The following ATP10D variants were observed in gnomAD, a reference collection of about 807,000 sequenced individuals.
ATP10D encodes ATPase phospholipid transporting 10D (putative).
ATP10D carries 89 observed loss-of-function variants against 144.8 expected under a neutral mutation model. That is an observed-to-expected ratio of 0.61 (90% CI 0.52 to 0.73). ATP10D has a LOEUF of 0.73. ATP10D is among the 30% of genes least tolerant of loss of function. ATP10D has a pLI of 0.00. For missense variants in ATP10D, 1,603 were observed against 1,714.8 expected (o/e 0.93, Z 1.15); for synonymous variants, 571 against 615.1 (o/e 0.93, Z 1.06).
At position 47,534,494 on chromosome 4, in the gene ATP10D, G is replaced by A. The variant is rs888934529; in HGVS notation, c.777-1015G>A. 2.6e-5 allele frequency among the ~76,000 whole-genome samples: 4 copies of A among 152,092 alleles called. No individual in the cohort carries two copies. The East Asian group carries it at 5.8e-4, about 22-fold the overall frequency. On this transcript the variant is annotated intron_variant, in intron 5 of 22. Transcript: ENST00000273859. ...ATGCCTAATAGAGGTTTGATTAAGC[G>A]CCTGTAGGGCCATGACTTTCTTTCC...
At chr4:47,559,138 C>T in intron 13 of ATP10D, 109 bp downstream of exon 13, 1 of 739,088 alleles carries the variant, frequency 1.4e-6, no homozygotes, top group South Asian at 1.9e-5. Context: ...GGGAAAGTCC[C>T]CTGGACACTG....
At chr4:47,527,141 A>G (rs1401633304) in intron 5 of ATP10D, among the ~76,000 whole-genome samples, 1 of 152,170 alleles carries the variant, frequency 6.6e-6, no homozygotes, top group African/African-American at 2.4e-5. Flanking sequence ...AGAGTCTAGA[A>G]ATAGACTGAC....
chr4:47,538,056 AAAT>A (rs1354395579), intron 9 of ATP10D, among the ~76,000 whole-genome samples: 3 of 152,322 alleles, frequency 2.0e-5, no homozygotes, highest in Non-Finnish European at 4.4e-5. Context: ...CAACCCAGAA[AAAT>A]AATGCTTCTT....
chr4:47,557,128 C>G (rs1719027355), intron 11 of ATP10D: 2 of 151,846 alleles, frequency 1.3e-5, no homozygotes, highest in Admixed American at 1.3e-4. Flanking sequence ...TTCAGTATTG[C>G]CCTATAGACT....
intron 1 of ATP10D, among the ~76,000 whole-genome samples, chr4:47,495,899 G>A (rs1276339866): frequency 6.6e-6 from 1 of 151,988 alleles, no homozygotes; most frequent in East Asian, 1.9e-4. Flanking sequence ...CACCGCGCCT[G>A]GCTAATTTTG....
intron 1 of ATP10D, among the ~76,000 whole-genome samples, chr4:47,506,988 A>C (rs1056930017): frequency 2.6e-5 from 4 of 152,168 alleles, no homozygotes; most frequent in African/African-American, 9.6e-5. Flanking sequence ...TTGAGAAGAG[A>C]ATATTGCTAT....
intron 16 of ATP10D, among the ~76,000 whole-genome samples, chr4:47,571,467 C>T (rs1719950946): frequency 6.6e-6 from 1 of 151,996 alleles, no homozygotes; most frequent in Non-Finnish European, 1.5e-5. Context: ...GGGACACTTG[C>T]TTACCTATAA....
chr4:47,558,457 A>G (rs1178229692), intron 12 of ATP10D, among the ~76,000 whole-genome samples, 184 bp downstream of exon 12: 1 of 152,228 alleles, frequency 6.6e-6, no homozygotes, highest in Non-Finnish European at 1.5e-5. Flanking sequence ...CCCAGATCTG[A>G]GTTCAAATGT....
chr4:47,591,025 T>A lies in ATP10D; in HGVS notation c.3942-17T>A. 6.6e-7 allele frequency: 1 copy of A among 1,511,440 alleles called. No homozygotes were observed. Among genetic ancestry groups the A allele is most frequent in the Non-Finnish European group, 9.0e-7 (1 of 1,116,584 alleles). 93.6% of individuals were successfully genotyped at this position (1,511,440 alleles called of 1,614,324 possible). A position where few individuals can be genotyped will look rare whatever the true frequency, so the allele number is the denominator to read the frequency against. The stretch of plus-strand genomic sequence containing the variant: ...TTTGAGATGAATTTAATTCTAATGA[T>A]GTTCCTTGTCACCTAGGTTTGTATA... On this transcript the variant is annotated splice_polypyrimidine_tract_variant and intron_variant, in intron 22 of 22. Transcript: ENST00000273859.
chr4:47,563,832 T>A (rs1012704715), intron 15 of ATP10D, 67 bp downstream of exon 15: 5 of 1,372,866 alleles, frequency 3.6e-6, no homozygotes, highest in South Asian at 3.1e-5. Context: ...TGAGATTTGA[T>A]GTATGCAAGG....
chr4:47,522,992 T>TAA lies in ATP10D; in HGVS notation c.486-19_486-18dup, dbSNP rs111896063. 3.7e-5 allele frequency: 55 copies of TAA among 1,486,478 alleles called. No homozygotes were observed. Among genetic ancestry groups the TAA allele is most frequent in the Middle Eastern group, 3.5e-4 (2 of 5,690 alleles). 92.1% of individuals were successfully genotyped at this position (1,486,478 alleles called of 1,614,324 possible). On this transcript the variant is annotated intron_variant, in intron 3 of 22. Transcript: ENST00000273859. ...TTCACTTGATATTCTTTTTTTTTTTTAACTTTTTTTTAATTACAGGAAAGA... is the reference window on the plus strand; with the variant it reads ...TTCACTTGATATTCTTTTTTTTTTTTAAAACTTTTTTTTAATTACAGGAAAGA...
chr4:47,560,343 C>G (rs1719227365), intron 13 of ATP10D: 1 of 152,084 alleles, frequency 6.6e-6, no homozygotes, highest in Admixed American at 6.6e-5. Flanking sequence ...CTTGTTTCAC[C>G]CATAGGGCCC....
At chr4:47,491,361 T>C (rs1376274361) in intron 1 of ATP10D, 3 of 749,474 alleles carry the variant, frequency 4.0e-6, no homozygotes, top group Non-Finnish European at 7.3e-6. Context: ...ACGTCTCTTA[T>C]AGATTCACAG....
chr4:47,570,699 G>A (rs1303185942), intron 16 of ATP10D, among the ~76,000 whole-genome samples: 1 of 151,962 alleles, frequency 6.6e-6, no homozygotes, highest in African/African-American at 2.4e-5. Flanking sequence ...AGCTGCTAGG[G>A]AAGCTGAGGC....
At chr4:47,579,656 A>G (rs1288495132) in intron 19 of ATP10D, among the ~76,000 whole-genome samples, 2 of 152,230 alleles carry the variant, frequency 1.3e-5, no homozygotes, top group Admixed American at 6.5e-5. Flanking sequence ...AAGAATGAAA[A>G]AGGTCCATGT....
chr4:47,582,578 AT>A (rs1720574256), intron 21 of ATP10D, among the ~76,000 whole-genome samples: 1 of 152,084 alleles, frequency 6.6e-6, no homozygotes, highest in South Asian at 2.1e-4. Context: ...TCATTTCCAC[AT>A]ATTCGTGGGC....
At chr4:47,580,294 G>A in intron 19 of ATP10D, 104 bp from the exon 20 acceptor site, 1 of 909,418 alleles carries the variant, frequency 1.1e-6, no homozygotes, top group Non-Finnish European at 1.8e-6. Context: ...TTGAAGAAAT[G>A]GAGCTTTCTC....
chr4:47,578,644 C>G (rs1279136165), intron 19 of ATP10D, among the ~76,000 whole-genome samples: 1 of 152,230 alleles, frequency 6.6e-6, no homozygotes, highest in Non-Finnish European at 1.5e-5. Flanking sequence ...GTGGTTCTCT[C>G]TTGTCCAGTG....
chr4:47,532,963 GA>G (rs2109420762), intron 5 of ATP10D, among the ~76,000 whole-genome samples: 1 of 152,262 alleles, frequency 6.6e-6, no homozygotes, highest in East Asian at 1.9e-4. Flanking sequence ...ACAAAACTCT[GA>G]AGGTACCATA....
Sources: gnomAD v4.1 joint callset for allele counts (sites outside exome capture counted in the v4.1 genomes callset) on GRCh38, gnomAD v4.1.1 for gene constraint, MANE v1.5 for transcripts, NCBI Gene and HGNC (gene_info 2026-07-23, HGNC 2026-07-21) for gene names.